The following TAF3 variants were observed in gnomAD, a reference collection of about 807,000 sequenced individuals.
TAF3 encodes transcription initiation factor TFIID subunit 3.
In TAF3, 7 loss-of-function variants were observed where a neutral mutation model predicts 80.6. The observed-to-expected ratio is 0.09, with a 90% confidence interval of 0.05 to 0.16. The LOEUF is 0.16. Ranked by LOEUF, TAF3 falls within the 10% of genes least tolerant of loss-of-function variation. TAF3 has a pLI of 1.00. For synonymous variants in TAF3, 444 were observed against 446.1 expected, an observed-to-expected ratio of 1.00 and a Z score of 0.06; for missense variants, 921 against 1,140.2, an observed-to-expected ratio of 0.81 and a Z score of 2.77.
intron 2 of TAF3, among the ~76,000 whole-genome samples, chr10:7,899,047 C>G (rs1352576815): frequency 6.6e-6 from 1 of 152,186 alleles, no homozygotes; most frequent in African/African-American, 2.4e-5. Flanking sequence ...TTCCCCCAAT[C>G]TACCTGGAAG....
At chr10:7,968,339 A>T (rs1301431573) in intron 3 of TAF3, among the ~76,000 whole-genome samples, 1 of 152,162 alleles carries the variant, frequency 6.6e-6, no homozygotes, top group Non-Finnish European at 1.5e-5. Flanking sequence ...CATTTGTTTA[A>T]ATTTTTCAAT....
chr10:7,821,720 T>C (rs1419921895), intron 1 of TAF3, among the ~76,000 whole-genome samples: 1 of 152,218 alleles, frequency 6.6e-6, no homozygotes, highest in Non-Finnish European at 1.5e-5. Flanking sequence ...AGACTGACTC[T>C]TCAACACTAG....
intron 2 of TAF3, among the ~76,000 whole-genome samples, chr10:7,885,950 A>G (rs1837405138): frequency 6.6e-6 from 1 of 151,886 alleles, no homozygotes; most frequent in Non-Finnish European, 1.5e-5. Context: ...ACGTTTTTTG[A>G]GACAGTCTCA....
intron 2 of TAF3, among the ~76,000 whole-genome samples, chr10:7,828,002 T>G (rs1836760679): frequency 6.6e-6 from 1 of 152,156 alleles, no homozygotes; most frequent in Admixed American, 6.5e-5. Flanking sequence ...CGTCCCCTTT[T>G]TCTTTTCTTG....
At chr10:7,983,312 C>T (rs1321677859) in intron 4 of TAF3, among the ~76,000 whole-genome samples, 1 of 152,220 alleles carries the variant, frequency 6.6e-6, no homozygotes, top group East Asian at 1.9e-4. Context: ...GGAGGGCTCA[C>T]ACCAGAATAA....
chr10:7,851,890 A>G (rs1427524566), intron 2 of TAF3, among the ~76,000 whole-genome samples: 1 of 151,200 alleles, frequency 6.6e-6, no homozygotes, highest in Non-Finnish European at 1.5e-5. Context: ...GCTTTAAGCA[A>G]TCCTCCCACC....
chr10:7,964,750 G>A lies in TAF3; in HGVS notation c.1240G>A (p.Glu414Lys). ...TCCTTTCGAATTTTCTTCTGGATCG[G>A]AATCTGAAGGAGACATTTTTACTAG... ...PDPFEFSSGS[E>K]SEGDIFTSPK... Residue 414 changes from glutamate to lysine, a missense_variant, in exon 3 of 7, where the codon GAA (glutamate) becomes AAA (lysine). Physicochemically the swap from Glu to Lys is moderately conservative, Grantham distance 56. Transcript: ENST00000344293. The surrounding 1 kb of genome is among the most constrained non-coding windows in gnomAD (Gnocchi z 4.1). 6.2e-7 allele frequency: 1 copy of A among 1,614,148 alleles called. No individual in the cohort carries two copies. The highest frequency in any genetic ancestry group is 8.5e-7 in the Non-Finnish European group (1 of 1,180,038).
intron 2 of TAF3, among the ~76,000 whole-genome samples, chr10:7,915,804 T>G (rs1227880306): frequency 6.6e-6 from 1 of 150,890 alleles, no homozygotes; most frequent in Non-Finnish European, 1.5e-5. Flanking sequence ...CATGGTGAAA[T>G]CTCGTCTCTA....
chr10:7,925,808 AAAAAGAAAAG>A (rs567282745), intron 2 of TAF3, among the ~76,000 whole-genome samples: 3 of 140,890 alleles, frequency 2.1e-5, no homozygotes, highest in African/African-American at 5.1e-5. Flanking sequence ...CAAAAAAAAA[AAAAAGAAAAG>A]AAAAGAAAAG....
At chr10:7,957,863 A>G (rs192136565) in intron 2 of TAF3, among the ~76,000 whole-genome samples, 1 of 148,872 alleles carries the variant, frequency 6.7e-6, no homozygotes, top group Non-Finnish European at 1.5e-5. Context: ...TATTATGTCT[A>G]TATTTGTGTT....
intron 2 of TAF3, among the ~76,000 whole-genome samples, chr10:7,871,397 A>G (rs1837263218): frequency 6.9e-6 from 1 of 145,216 alleles, no homozygotes. Flanking sequence ...TTGATAGTAA[A>G]TTTTCTCTGA....
chr10:7,958,492 T>TAA (rs201373329), intron 2 of TAF3, among the ~76,000 whole-genome samples: 12 of 149,090 alleles, frequency 8.0e-5, no homozygotes, highest in South Asian at 2.1e-4. Context: ...GGGTAAAAAT[T>TAA]AAAAAAAAAA....
chr10:7,873,113 A>G (rs1837281701), intron 2 of TAF3, among the ~76,000 whole-genome samples: 2 of 152,326 alleles, frequency 1.3e-5, no homozygotes, highest in South Asian at 2.1e-4. Flanking sequence ...ATATGTTTAT[A>G]ATTAATTTCA....
intron 2 of TAF3, among the ~76,000 whole-genome samples, chr10:7,863,794 T>C (rs1215499143): frequency 5.4e-5 from 8 of 148,036 alleles, no homozygotes; most frequent in Admixed American, 3.4e-4. Context: ...TTTTTAAAGA[T>C]CTTTAATTTT....
intron 4 of TAF3, among the ~76,000 whole-genome samples, chr10:7,990,313 T>G (rs1831821893): frequency 6.6e-6 from 1 of 152,094 alleles, no homozygotes; most frequent in Admixed American, 6.6e-5. Context: ...CATGTTCTAG[T>G]TTTTTTTCTC....
At chr10:7,959,275 A>G (rs1838166833) in intron 2 of TAF3, among the ~76,000 whole-genome samples, 2 of 152,230 alleles carry the variant, frequency 1.3e-5, no homozygotes, top group Non-Finnish European at 2.9e-5. Flanking sequence ...GAAAGTGTAA[A>G]TTAAACAAAT....
At chr10:7,987,544 G>A (rs1015659012) in intron 4 of TAF3, among the ~76,000 whole-genome samples, 2 of 152,034 alleles carry the variant, frequency 1.3e-5, no homozygotes, top group Admixed American at 1.3e-4. Flanking sequence ...ATAGATTTTT[G>A]TTTATTCAGT....
intron 2 of TAF3, among the ~76,000 whole-genome samples, chr10:7,845,959 G>GTTTTTTTTT (rs34163537): frequency 4.6e-5 from 6 of 130,930 alleles, no homozygotes; most frequent in South Asian, 2.3e-4. Context: ...GTGTGTTTTT[G>GTTTTTTTTT]TTTTTTTTTT....
intron 2 of TAF3, among the ~76,000 whole-genome samples, chr10:7,832,353 T>A (rs768722232): frequency 6.6e-6 from 1 of 151,910 alleles, no homozygotes; most frequent in Non-Finnish European, 1.5e-5. Context: ...CCATCTATGT[T>A]GTCACAAATG....
Sources: gnomAD v4.1 joint callset for allele counts (sites outside exome capture counted in the v4.1 genomes callset) on GRCh38, gnomAD v4.1.1 for gene constraint, Gnocchi (gnomAD v3.1) non-coding constraint, MANE v1.5 for transcripts, NCBI Gene and HGNC (gene_info 2026-07-23, HGNC 2026-07-21) for gene names.